Variants in CHTF18 observed in about 807,000 individuals in gnomAD.
CHTF18 encodes chromosome transmission fidelity factor 18.
CHTF18 carries 151 observed loss-of-function variants against 113.4 expected under a neutral mutation model. That is an observed-to-expected ratio of 1.33 (90% CI 1.17 to 1.52). The LOEUF is 1.52. Ranked by LOEUF, CHTF18 falls within the 40% of genes most tolerant of loss-of-function variation. CHTF18 has a pLI of 0.00. For synonymous variants in CHTF18, 916 were observed against 598.8 expected (o/e 1.53, Z -7.74); for missense variants, 1,982 against 1,381.6 (o/e 1.43, Z -6.89).
At position 788,759 on chromosome 16, in the gene CHTF18, G is replaced by A. The variant is rs886817651; in HGVS notation, c.75G>A (p.Val25=). ...FHNQFAAELE[V]LAELEGASTP... is the part of the protein sequence containing the mutation. Reference sequence around the variant, plus strand: ...ACCAGTTCGCGGCCGAGCTGGAGGTGCTGGCAGAGCTGGAAGGTGGGGCGC... The same window carrying A: ...ACCAGTTCGCGGCCGAGCTGGAGGTACTGGCAGAGCTGGAAGGTGGGGCGC... The change falls in exon 1 of 22, where the codon GTG becomes GTA. Residue 25 remains valine (V), a synonymous_variant. Coordinates refer to ENST00000262315, the MANE Select transcript of CHTF18 (RefSeq NM_022092.3). 8 of 1,598,152 alleles carry A rather than the reference G, an allele frequency of 5.0e-6. No homozygotes were observed. Among genetic ancestry groups the A allele is most frequent in the South Asian group, 1.1e-5 (1 of 88,876 alleles).
intron 1 of CHTF18, 51 bp from the exon 2 acceptor site, chr16:788,880 G>A (rs1437202708): frequency 6.6e-7 from 1 of 1,506,928 alleles, no homozygotes; most frequent in East Asian, 2.6e-5. Context: ...CGTCGCCGCT[G>A]GCGGGATCTG....
chr16:797,082 G>C lies in CHTF18; in HGVS notation c.2723G>C (p.Arg908Pro), dbSNP rs748653954. 1 of 1,527,218 alleles carries C rather than the reference G, an allele frequency of 6.5e-7. No homozygotes were observed. The allele number at this position is 1,527,218 out of a possible 1,614,324, so 94.6% of individuals were successfully genotyped here. A position where few individuals can be genotyped will look rare whatever the true frequency, so the allele number is the denominator to read the frequency against. Residue 908 changes from arginine to proline, a missense_variant, in exon 20 of 22, where the codon CGG becomes CCG. Arg to Pro is a moderately radical substitution (Grantham distance 103, BLOSUM62 -2). Coordinates refer to ENST00000262315, the MANE Select transcript of CHTF18 (RefSeq NM_022092.3). ...GAGCACATCATGAGGCGAGCGGCCC[G>C]GGAGGAACAGGTGTGGAATGGGCAG... Reference protein sequence around the residue: ...RLEHIMRRAAREEQPEKDFFG... With the variant: ...RLEHIMRRAAPEEQPEKDFFG...
At chr16:791,719 T>C in intron 8 of CHTF18, 132 bp from the exon 9 acceptor site, 7 of 1,443,798 alleles carry the variant, frequency 4.8e-6, no homozygotes, top group Non-Finnish European at 5.4e-6. Flanking sequence ...TCAATTTTGT[T>C]CTTATTTGAT....
chr16:795,224 G>A lies in CHTF18; in HGVS notation c.2043G>A (p.Leu681=), dbSNP rs201684077. The change falls in exon 16 of 22, where the codon CTG becomes CTA. Residue 681 remains leucine, a synonymous_variant. Coordinates refer to ENST00000262315, the MANE Select transcript of CHTF18 (RefSeq NM_022092.3). ...VALDWLAFDD[L]LAGAAHHSQS... is the part of the protein sequence containing the mutation. The stretch of plus-strand genomic sequence containing the variant: ...TCGACTGGCTGGCCTTCGATGACCT[G>A]CTGGCGGGGGCTGCTCATCACAGCC... 2.6e-6 allele frequency: 4 copies of A among 1,551,110 alleles called. No individual in the cohort carries two copies. The highest frequency in any genetic ancestry group is 1.4e-5 in the African/African-American group (1 of 73,042).
Position 797,997 on chromosome 16 carries a change from C to T in CHTF18, c.*22C>T, listed in dbSNP as rs772440984. 2.5e-5 allele frequency: 40 copies of T among 1,599,942 alleles called. No homozygotes were observed. Among genetic ancestry groups the T allele is most frequent in the Non-Finnish European group, 3.3e-5 (39 of 1,172,242 alleles). ...CTAGTTCTCTGAGCCGCGGACATGCCCTCGCATTGCTTCCCGCAGAGTGCA... is the reference window on the plus strand; with the variant it reads ...CTAGTTCTCTGAGCCGCGGACATGCTCTCGCATTGCTTCCCGCAGAGTGCA... On this transcript the variant is annotated 3_prime_UTR_variant, in exon 22 of 22. Coordinates refer to ENST00000262315, the MANE Select transcript of CHTF18 (RefSeq NM_022092.3).
Position 794,062 on chromosome 16 carries a change from T to G in CHTF18, c.1811T>G (p.Val604Gly), listed in dbSNP as rs2042272949. 6.8e-6 allele frequency: 11 copies of G among 1,610,500 alleles called. No individual in the cohort carries two copies. The highest frequency in any genetic ancestry group is 6.8e-6 in the Non-Finnish European group (8 of 1,178,938). Reference protein sequence around the residue: ...FQLPRAQRRRVGQDPALPADT... With the variant: ...FQLPRAQRRRGGQDPALPADT... ...CAGCACCCCACCTGCAGGCGCCGTGTGGGCCAGGACCCCGCCCTGCCTGCT... is the reference window on the plus strand; with the variant it reads ...CAGCACCCCACCTGCAGGCGCCGTGGGGGCCAGGACCCCGCCCTGCCTGCT... The change falls in exon 15 of 22, where the codon GTG becomes GGG. Residue 604 changes from valine to glycine, a missense_variant. Physicochemically the swap from Val to Gly is moderately radical, Grantham distance 109. Coordinates refer to ENST00000262315, the MANE Select transcript of CHTF18 (RefSeq NM_022092.3).
intron 9 of CHTF18, 64 bp downstream of exon 9, chr16:792,012 G>T: frequency 6.4e-7 from 1 of 1,556,908 alleles, no homozygotes; most frequent in African/African-American, 1.4e-5. Context: ...TTCTGGTGGC[G>T]GACCTGAAAC....
At position 791,170 on chromosome 16, in the gene CHTF18, C is replaced by T. The variant is rs376920307; in HGVS notation, c.904C>T (p.Arg302Cys). 7.8e-5 allele frequency: 126 copies of T among 1,610,600 alleles called. No homozygotes were observed. Among genetic ancestry groups the T allele is most frequent in the African/African-American group, 4.8e-4 (36 of 74,920 alleles). The change falls in exon 8 of 22, where the codon CGC becomes TGC. Residue 302 changes from arginine (R) to cysteine (C), a missense_variant. Transcript: ENST00000262315. ...TELLSDDFTNRCLLKWLKLWD... is the reference protein window; with the variant it reads ...TELLSDDFTNCCLLKWLKLWD... ...CCCGTCCTTCCCGCAGTTCACCAAC[C>T]GCTGCCTGCTCAAGTGGCTGAAGTT...
intron 15 of CHTF18, 53 bp from the exon 16 acceptor site, chr16:795,079 G>A: frequency 7.1e-7 from 1 of 1,408,712 alleles, no homozygotes; most frequent in Non-Finnish European, 9.6e-7. Context: ...GGTCCGTGGT[G>A]GTGCACCTTC....
chr16:794,266 C>T, intron 15 of CHTF18, 65 bp downstream of exon 15: 1 of 1,559,418 alleles, frequency 6.4e-7, no homozygotes, highest in Non-Finnish European at 8.8e-7. Context: ...TGTGCCCCTG[C>T]CCCTGCCGGT....
At chr16:795,630 C>A in intron 16 of CHTF18, 55 bp from the exon 17 acceptor site, 1 of 985,936 alleles carries the variant, frequency 1.0e-6, no homozygotes, top group Non-Finnish European at 1.4e-6. Flanking sequence ...ACCCACCATT[C>A]CCCCCTCGCC....
chr16:792,176 TGCCAG>T (rs1219534262), intron 9 of CHTF18, 43 bp from the exon 10 acceptor site: 1 of 1,541,578 alleles, frequency 6.5e-7, no homozygotes, highest in South Asian at 1.2e-5. Flanking sequence ...GAGGCTGCCC[TGCCAG>T]GGACGCCCAC....
intron 13 of CHTF18, 31 bp from the exon 14 acceptor site, chr16:793,113 G>A (rs1296004080): frequency 3.8e-6 from 6 of 1,572,976 alleles, no homozygotes; most frequent in Non-Finnish European, 5.2e-6. Context: ...TCAGGAGTTG[G>A]CCGCTTCTCA....
intron 15 of CHTF18, 149 bp from the exon 16 acceptor site, chr16:794,983 C>T (rs547161391): frequency 1.2e-4 from 76 of 641,686 alleles, no homozygotes; most frequent in South Asian, 1.1e-3. Context: ...AGACGCCCAG[C>T]GTCGTGGGGA....
intron 19 of CHTF18, 39 bp downstream of exon 19, chr16:796,900 G>A: frequency 6.4e-7 from 1 of 1,560,150 alleles, no homozygotes; most frequent in East Asian, 2.3e-5. Flanking sequence ...TGCAGTCTGG[G>A]CGTGCACCAT....
chr16:794,528 G>T (rs2151647464), intron 15 of CHTF18, among the ~76,000 whole-genome samples: 1 of 152,278 alleles, frequency 6.6e-6, no homozygotes, highest in Admixed American at 6.5e-5. Flanking sequence ...CGAGGGGCTG[G>T]ATTCTGGACT....
Position 795,259 on chromosome 16 carries a change from A to C in CHTF18, c.2078A>C (p.Gln693Pro), listed in dbSNP as rs764413212. 6.5e-7 allele frequency: 1 copy of C among 1,549,250 alleles called. No homozygotes were observed. The highest frequency in any genetic ancestry group is 2.4e-5 in the East Asian group (1 of 40,904). The change falls in exon 16 of 22, where the codon CAG becomes CCG. Residue 693 changes from glutamine to proline, a missense_variant. Physicochemically the swap from Gln to Pro is moderately conservative, Grantham distance 76 (BLOSUM62 -1). Coordinates refer to ENST00000262315, the MANE Select transcript of CHTF18 (RefSeq NM_022092.3). ...AGAAHHSQSF[Q>P]LLRYPPFLPV... ...GCTGCTCATCACAGCCAGAGCTTCC[A>C]GCTGCTGCGCTACCCACCCTTCCTG...
intron 21 of CHTF18, 29 bp downstream of exon 21, chr16:797,780 G>A (rs565437259): frequency 6.3e-7 from 1 of 1,599,716 alleles, no homozygotes; most frequent in South Asian, 1.1e-5. Context: ...TGGGGTTGTG[G>A]GGGGCCTGGG....
chr16:789,261 G>T lies in CHTF18; in HGVS notation c.338G>T (p.Arg113Ile). The change falls in exon 3 of 22, where the codon AGA becomes ATA. Residue 113 changes from arginine (R) to isoleucine (I), a missense_variant. Physicochemically the swap from Arg to Ile is moderately conservative, Grantham distance 97 (BLOSUM62 -3). Transcript: ENST00000262315. ...RLQVVKRLNF[R>I]SEEMEEPPPP... ...CAGGTGGTCAAGAGGCTGAACTTCAGATCGGAGGAGATGGAGGAGCCGCCC... is the reference window on the plus strand; with the variant it reads ...CAGGTGGTCAAGAGGCTGAACTTCATATCGGAGGAGATGGAGGAGCCGCCC... 6.4e-7 allele frequency: 1 copy of T among 1,562,040 alleles called. No homozygotes were observed. Among genetic ancestry groups the T allele is most frequent in the Non-Finnish European group, 8.7e-7 (1 of 1,154,184 alleles).
Sources: allele counts gnomAD v4.1 joint callset (sites outside exome capture counted in the v4.1 genomes callset), GRCh38; gene constraint gnomAD v4.1.1; transcripts MANE v1.5; gene names NCBI Gene and HGNC (gene_info 2026-07-23, HGNC 2026-07-21).